The following PRRG4 variants were observed in gnomAD, a reference collection of about 807,000 sequenced individuals.
The protein encoded by PRRG4 is transmembrane gamma-carboxyglutamic acid protein 4.
Under a neutral mutation model 20.0 loss-of-function variants are expected in PRRG4, and 12 were observed. The ratio of observed to expected loss-of-function variants is 0.60; its 90% CI spans 0.38 to 0.97. The LOEUF (loss-of-function observed/expected upper bound fraction) is 0.97, where lower values mean the gene tolerates loss of function less well. Ranked by LOEUF, PRRG4 falls within the 50% of genes least tolerant of loss-of-function variation. The pLI is 0.00. For synonymous variants in PRRG4, 94 were observed against 96.4 expected (o/e 0.98, Z 0.15); for missense variants, 199 against 265.1 (o/e 0.75, Z 1.73).
rs1017069055 is a variant in PRRG4, at chr11:32,855,611, TAC to T, written c.*2086_*2087del. The T allele has an allele frequency of 3.9e-5, 6 of 152,214 alleles. No individual in the cohort carries two copies. The highest frequency in any genetic ancestry group is 5.9e-5 in the Non-Finnish European group (4 of 68,030). The allele number at this position is 152,214 out of a possible 1,614,324, so 9.4% of individuals were successfully genotyped here. ...CAGATAAAAGTAAGTCCTTAATCATTACAGACTGCCAAAGACTTTATCCTTTT... is the reference window on the plus strand; with the variant it reads ...CAGATAAAAGTAAGTCCTTAATCATTAGACTGCCAAAGACTTTATCCTTTT... On this transcript the variant is annotated 3_prime_UTR_variant, in exon 6 of 6. Coordinates refer to ENST00000257836, the MANE Select transcript of PRRG4 (RefSeq NM_024081.6).
In PRRG4 at chr11:32,834,155, C is replaced by G. The variant is rs1850998964; in HGVS notation, c.104-2503C>G. Among the ~76,000 whole-genome samples the G allele has an allele frequency of 2.6e-5, 4 of 152,130 alleles. No individual in the cohort carries two copies. The South Asian group carries it at 8.3e-4, about 31-fold the overall frequency. The stretch of plus-strand genomic sequence containing the variant: ...TGTAATGACTTTGGCTCTTACTCTG[C>G]AGGGGGTGGAATTGCTGTTAGAAGG... On this transcript the variant is annotated intron_variant, in intron 2 of 5. Coordinates refer to ENST00000257836, the MANE Select transcript of PRRG4 (RefSeq NM_024081.6).
intron 5 of PRRG4, among the ~76,000 whole-genome samples, chr11:32,847,375 A>G (rs1304452332): frequency 6.6e-6 from 1 of 152,134 alleles, no homozygotes; most frequent in Non-Finnish European, 1.5e-5. Flanking sequence ...AAGGTGTTCA[A>G]TGTTGTTAGA....
At chr11:32,839,391 G>A (rs953002848) in intron 4 of PRRG4, among the ~76,000 whole-genome samples, 1 of 151,918 alleles carries the variant, frequency 6.6e-6, no homozygotes, top group African/African-American at 2.4e-5. Context: ...TTAGTCAGGT[G>A]TTTTTTTCGC....
chr11:32,833,266 C>T (rs12798179), intron 2 of PRRG4, among the ~76,000 whole-genome samples: 15,628 of 152,166 alleles, frequency 0.1, 849 homozygotes, highest in Non-Finnish European at 0.13. Context: ...CAGTGTTAAT[C>T]ATAATAGCAT....
rs369274480 is a variant in PRRG4, at chr11:32,853,282, G to A, written c.450-14G>A. ...GCTACCTTTCCTAGACCTAAATGTT[G>A]TCTCTCTGCTTAGCTCTTCAGCCGT... On this transcript the variant is annotated splice_polypyrimidine_tract_variant and intron_variant, in intron 5 of 5. Transcript: ENST00000257836. The A allele has an allele frequency of 1.9e-4, 307 of 1,597,148 alleles. No individual in the cohort carries two copies. The highest frequency in any genetic ancestry group is 2.4e-4 in the Non-Finnish European group (279 of 1,165,050).
chr11:32,831,005 T>C (rs1850965777), intron 2 of PRRG4, among the ~76,000 whole-genome samples: 1 of 152,196 alleles, frequency 6.6e-6, no homozygotes, highest in Non-Finnish European at 1.5e-5. Context: ...GGATCTAGTC[T>C]GGACTTGCGA....
chr11:32,844,467 CTATTATTATTATTATTATTAT>C (rs148170116), intron 5 of PRRG4, among the ~76,000 whole-genome samples: 10,710 of 143,136 alleles, frequency 0.075, 451 homozygotes, highest in South Asian at 0.12. Flanking sequence ...TAAATGTTAG[CTATTATTATTATTATTATTAT>C]TATTATTATT....
intron 2 of PRRG4, among the ~76,000 whole-genome samples, chr11:32,831,334 G>C (rs1334586791): frequency 6.6e-6 from 1 of 152,098 alleles, no homozygotes; most frequent in East Asian, 1.9e-4. Context: ...TCCCCACTCA[G>C]TGTCAGTACT....
At chr11:32,842,761 T>C (rs1280516011) in intron 5 of PRRG4, among the ~76,000 whole-genome samples, 2 of 152,172 alleles carry the variant, frequency 1.3e-5, no homozygotes, top group Admixed American at 6.6e-5. Flanking sequence ...AAGAAGCTTT[T>C]ACATATATAC....
At chr11:32,833,828 G>A (rs1478205771) in intron 2 of PRRG4, among the ~76,000 whole-genome samples, 1 of 151,884 alleles carries the variant, frequency 6.6e-6, no homozygotes, top group Non-Finnish European at 1.5e-5. Context: ...AATAAGTAAA[G>A]CATATAGAAA....
chr11:32,843,151 G>A (rs562516740), intron 5 of PRRG4, among the ~76,000 whole-genome samples: 1 of 152,048 alleles, frequency 6.6e-6, no homozygotes, highest in Non-Finnish European at 1.5e-5. Flanking sequence ...CCAGAAGAAA[G>A]TTTAAAGTAG....
chr11:32,835,760 T>C (rs1266793078), intron 2 of PRRG4, among the ~76,000 whole-genome samples: 2 of 152,222 alleles, frequency 1.3e-5, no homozygotes, highest in Non-Finnish European at 2.9e-5. Flanking sequence ...TTTATAAGTT[T>C]TAGCATAAAC....
intron 2 of PRRG4, 90 bp from the exon 3 acceptor site, chr11:32,836,568 A>G (rs1243829636): frequency 3.0e-5 from 21 of 689,284 alleles, no homozygotes; most frequent in Non-Finnish European, 4.5e-5. Flanking sequence ...TAGCCACATC[A>G]AGAGAACTAT....
chr11:32,837,541 G>GATT (rs35934196), intron 3 of PRRG4, among the ~76,000 whole-genome samples: 4,660 of 95,484 alleles, frequency 0.049, 136 homozygotes, highest in East Asian at 0.17. Flanking sequence ...TGATGATGAT[G>GATT]ATTATTATTA....
At chr11:32,838,502 G>A (rs1032994383) in intron 3 of PRRG4, among the ~76,000 whole-genome samples, 3 of 151,842 alleles carry the variant, frequency 2.0e-5, no homozygotes, top group Admixed American at 1.3e-4. Context: ...ACCTCCCATA[G>A]AAAACTTCAG....
intron 5 of PRRG4, among the ~76,000 whole-genome samples, chr11:32,844,486 T>C (rs987582021): frequency 4.8e-5 from 6 of 124,834 alleles, no homozygotes; most frequent in African/African-American, 1.8e-4. Context: ...TTATTATTAT[T>C]ATTATTATTA....
intron 2 of PRRG4, among the ~76,000 whole-genome samples, chr11:32,831,276 A>C (rs1469780697): frequency 9.2e-5 from 14 of 152,116 alleles, no homozygotes; most frequent in Non-Finnish European, 4.4e-5. Context: ...AGAAGAAAAA[A>C]AAAGCCTCTG....
chr11:32,837,517 GATGATGATGATGATGATGATGATGATT>G (rs1299110384), intron 3 of PRRG4, among the ~76,000 whole-genome samples: 2 of 77,178 alleles, frequency 2.6e-5, no homozygotes, highest in African/African-American at 9.1e-5. Flanking sequence ...AGATGATGAT[GATGATGATGATGATGATGATGATGATT>G]ATTATTATTA....
At chr11:32,830,781 T>G in intron 2 of PRRG4, 149 bp downstream of exon 2, 1 of 1,273,670 alleles carries the variant, frequency 7.9e-7, no homozygotes, top group South Asian at 1.5e-5. Context: ...CAAGGTTGTG[T>G]TTTTTTATGT....
Sources: gnomAD v4.1 joint callset for allele counts (sites outside exome capture counted in the v4.1 genomes callset) on GRCh38, gnomAD v4.1.1 for gene constraint, MANE v1.5 for transcripts, NCBI Gene and HGNC (gene_info 2026-07-23, HGNC 2026-07-21) for gene names.